The following FAM53A variants were observed in gnomAD, a reference collection of about 807,000 sequenced individuals.
FAM53A encodes family with sequence similarity 53 member A, also known as protein FAM53A.
Under a neutral mutation model 26.6 loss-of-function variants are expected in FAM53A, and 28 were observed. The observed-to-expected ratio is 1.05, with a 90% CI of 0.78 to 1.45. The LOEUF (loss-of-function observed/expected upper bound fraction) is 1.45. Among genes scored for constraint, FAM53A ranks in the 40% most tolerant of loss-of-function variants. FAM53A has a pLI of 0.00. For missense variants in FAM53A, 650 were observed against 575.8 expected (o/e 1.13, Z -1.32); for synonymous variants, 290 against 253.1 (o/e 1.15, Z -1.38).
At chr4:1,595,070 G>C in the FAM53A span, among the ~76,000 whole-genome samples, 4 of 152,316 alleles carry the variant, frequency 2.6e-5, no homozygotes, top group African/African-American at 9.6e-5. Context: ...AAAGCACCAT[G>C]GGACCCAGCC....
At chr4:1,599,775 G>A in the FAM53A span, among the ~76,000 whole-genome samples, 3 of 152,024 alleles carry the variant, frequency 2.0e-5, no homozygotes, top group Admixed American at 6.6e-5. The surrounding 1 kb of genome is among the most constrained non-coding windows in gnomAD (Gnocchi z 6.1). Flanking sequence ...CCAGCCACAC[G>A]CATACTCACC....
At chr4:1,637,133 G>A (rs947389567), downstream of FAM53A, among the ~76,000 whole-genome samples, 10 of 152,086 alleles carry the variant, frequency 6.6e-5, no homozygotes, top group Admixed American at 6.5e-5. Context: ...TCGGCACAGG[G>A]AGGTCCGGGG....
chr4:1,622,279 C>T (rs1715073960), intron 1 of FAM53A, among the ~76,000 whole-genome samples: 1 of 152,206 alleles, frequency 6.6e-6, no homozygotes. Flanking sequence ...AGAGTGCAGC[C>T]CCCAGTGTGG....
At chr4:1,583,549 G>A in the FAM53A span, among the ~76,000 whole-genome samples, 22 of 152,228 alleles carry the variant, frequency 1.4e-4, no homozygotes, top group African/African-American at 3.9e-4. Context: ...CTTCTCACAC[G>A]TCTCATGTGC....
intron 2 of FAM53A, among the ~76,000 whole-genome samples, chr4:1,664,711 C>T (rs1329438489): frequency 6.6e-6 from 1 of 152,216 alleles, no homozygotes; most frequent in African/African-American, 2.4e-5. Context: ...GGCACGGTGG[C>T]TCAGGCCTGT....
chr4:1,634,038 G>A (rs1294104898), intron 1 of FAM53A, among the ~76,000 whole-genome samples: 1 of 152,134 alleles, frequency 6.6e-6, no homozygotes, highest in Non-Finnish European at 1.5e-5. Flanking sequence ...ACCAGGAGGG[G>A]CCCAGGGAGG....
At chr4:1,629,687 T>A (rs927273928) in intron 1 of FAM53A, among the ~76,000 whole-genome samples, 25 of 152,202 alleles carry the variant, frequency 1.6e-4, no homozygotes, top group Admixed American at 1.6e-3. Flanking sequence ...AGAGCAGGGC[T>A]CTCAGGCCCA....
downstream of FAM53A, among the ~76,000 whole-genome samples, chr4:1,613,361 C>T (rs748638921): frequency 6.6e-6 from 1 of 152,202 alleles, no homozygotes; most frequent in Non-Finnish European, 1.5e-5. Context: ...AGTGAGTGGG[C>T]CCAGTCCCTC....
the FAM53A span, among the ~76,000 whole-genome samples, chr4:1,596,791 C>G: frequency 2.6e-5 from 4 of 151,766 alleles, no homozygotes; most frequent in Non-Finnish European, 2.9e-5. Context: ...GAGAGAGAGA[C>G]AGAGACAGAG....
intron 4 of FAM53A, among the ~76,000 whole-genome samples, chr4:1,649,152 GGGGAAA>G (rs200787006): frequency 5.8e-5 from 8 of 137,366 alleles, no homozygotes; most frequent in Non-Finnish European, 9.4e-5. Flanking sequence ...GGAAAGGGAA[GGGGAAA>G]GGGAAGGGGA....
intron 4 of FAM53A, among the ~76,000 whole-genome samples, chr4:1,653,561 G>C (rs1713065314): frequency 6.6e-6 from 1 of 152,306 alleles, no homozygotes; most frequent in South Asian, 2.1e-4. Context: ...GCCTGCTTGT[G>C]CTATGTCCAA....
intron 4 of FAM53A, among the ~76,000 whole-genome samples, 155 bp downstream of exon 4, chr4:1,654,823 G>A (rs913029981): frequency 2.0e-5 from 3 of 152,176 alleles, no homozygotes; most frequent in Non-Finnish European, 4.4e-5. Context: ...TCGCTCCCAC[G>A]CACTCCAGAT....
the FAM53A span, among the ~76,000 whole-genome samples, chr4:1,600,021 C>T: frequency 6.6e-6 from 1 of 152,146 alleles, no homozygotes; most frequent in Non-Finnish European, 1.5e-5. Context: ...AGGCGAGGCC[C>T]CTCCCACTTT....
intron 4 of FAM53A, among the ~76,000 whole-genome samples, chr4:1,642,871 T>C (rs1711850851): frequency 6.6e-6 from 1 of 152,238 alleles, no homozygotes; most frequent in African/African-American, 2.4e-5. Context: ...TGGCTCAGGC[T>C]TGTGAGGGCA....
chr4:1,644,502 G>A (rs62286259), intron 4 of FAM53A: 218,767 of 935,224 alleles, frequency 0.23, 28,267 homozygotes, highest in Middle Eastern at 0.3. Context: ...CTGTAGAGAC[G>A]GTGGAAACCG....
chr4:1,602,746 G>T, the FAM53A span, among the ~76,000 whole-genome samples: 1 of 152,166 alleles, frequency 6.6e-6, no homozygotes, highest in Admixed American at 6.5e-5. Flanking sequence ...GGCAAGTGCG[G>T]GTGTGACGGT....
chr4:1,662,479 C>CAAAAAA (rs59768929), intron 2 of FAM53A, among the ~76,000 whole-genome samples: 28 of 68,284 alleles, frequency 4.1e-4, no homozygotes, highest in East Asian at 6.3e-4. Context: ...GATTCCATCA[C>CAAAAAA]AAAAAAAAAA....
intron 1 of FAM53A, among the ~76,000 whole-genome samples, chr4:1,618,362 C>A (rs1714886018): frequency 6.6e-6 from 1 of 152,166 alleles, no homozygotes; most frequent in Admixed American, 6.5e-5. Flanking sequence ...AAAACCAGGC[C>A]CGGACTGGAA....
At chr4:1,589,877 A>G in the FAM53A span, among the ~76,000 whole-genome samples, 2 of 152,178 alleles carry the variant, frequency 1.3e-5, no homozygotes, top group African/African-American at 4.8e-5. Flanking sequence ...TTTTAATGTT[A>G]AAAATGTTTT....
Sources: allele counts gnomAD v4.1 joint callset (sites outside exome capture counted in the v4.1 genomes callset), GRCh38; gene constraint gnomAD v4.1.1; non-coding constraint Gnocchi (gnomAD v3.1); transcripts MANE v1.5; gene names NCBI Gene and HGNC (gene_info 2026-07-23, HGNC 2026-07-21).